SCN7A: variants seen among roughly 807,000 people sequenced by gnomAD.
SCN7A encodes sodium voltage-gated channel alpha subunit 7.
A neutral mutation model predicts 155.2 loss-of-function variants in SCN7A; 138 were observed. That is an observed-to-expected ratio of 0.89 (90% CI 0.77 to 1.02). SCN7A has a LOEUF of 1.02. Among genes scored for constraint, SCN7A ranks in the 50% least tolerant of loss-of-function variants. The probability of loss-of-function intolerance (pLI) is 0.00; values close to 1 mark genes in which losing one functional copy is unlikely to be tolerated. For synonymous variants in SCN7A, 693 were observed against 649.0 expected, an observed-to-expected ratio of 1.07 and a Z score of -1.03; for missense variants, 2,058 against 1,986.6, an observed-to-expected ratio of 1.04 and a Z score of -0.68.
In SCN7A at chr2:166,474,283, C is replaced by A; in HGVS notation, c.296G>T (p.Cys99Phe). The A allele has an allele frequency of 6.5e-7, 1 of 1,527,008 alleles. No individual in the cohort carries two copies. Among genetic ancestry groups the A allele is most frequent in the African/African-American group, 1.4e-5 (1 of 72,114 alleles). 94.6% of individuals were successfully genotyped at this position (1,527,008 alleles called of 1,614,324 possible). Residue 99 changes from cysteine to phenylalanine, a missense_variant, in exon 4 of 26, where the codon TGT becomes TTT. Transcript: ENST00000643258. ...IFRFNAASIL[C>F]TLSPFNCIRR... ...AATACAATTGAAAGGAGACAATGTACACAAGATGGAAGCCGCATTGAATCT... is the reference window on the plus strand; with the variant it reads ...AATACAATTGAAAGGAGACAATGTAAACAAGATGGAAGCCGCATTGAATCT...
chr2:166,469,174 T>C (rs571590521), intron 7 of SCN7A, among the ~76,000 whole-genome samples: 1 of 151,782 alleles, frequency 6.6e-6, no homozygotes, highest in South Asian at 2.1e-4. Context: ...TAGTTTTTTC[T>C]CCTTCATTAA....
At chr2:166,420,691 ATGTGAG>A (rs1701492372) in intron 20 of SCN7A, among the ~76,000 whole-genome samples, 1 of 152,054 alleles carries the variant, frequency 6.6e-6, no homozygotes, top group Non-Finnish European at 1.5e-5. Flanking sequence ...AGGTTTTAAC[ATGTGAG>A]TGATGAAGAC....
chr2:166,413,020 G>A (rs1701234622), intron 22 of SCN7A, 48 bp downstream of exon 22: 1 of 1,327,686 alleles, frequency 7.5e-7, no homozygotes, highest in East Asian at 2.5e-5. Flanking sequence ...TTGCAAAAAT[G>A]ACTTTGCTTG....
chr2:166,458,164 A>T (rs985534300), intron 10 of SCN7A, among the ~76,000 whole-genome samples: 1 of 151,972 alleles, frequency 6.6e-6, no homozygotes, highest in Non-Finnish European at 1.5e-5. Flanking sequence ...CATCTCTACT[A>T]AAAATACAAA....
intron 2 of SCN7A, among the ~76,000 whole-genome samples, chr2:166,479,395 T>C (rs1220282234): frequency 6.6e-6 from 1 of 152,134 alleles, no homozygotes; most frequent in Non-Finnish European, 1.5e-5. Context: ...CGCAATCTTA[T>C]AGACATTCAA....
chr2:166,484,870 A>C (rs1435954493), intron 2 of SCN7A, among the ~76,000 whole-genome samples: 1 of 152,000 alleles, frequency 6.6e-6, no homozygotes, highest in Admixed American at 6.6e-5. Context: ...AAATAAATAT[A>C]TTTTCACATA....
At chr2:166,409,988 TATA>T in intron 24 of SCN7A, 53 bp from the exon 25 acceptor site, 4 of 1,417,014 alleles carry the variant, frequency 2.8e-6, no homozygotes, top group Non-Finnish European at 3.8e-6. Context: ...TACATATACA[TATA>T]TATGGTCTTT....
chr2:166,443,682 T>C lies in SCN7A; in HGVS notation c.1627-6A>G. On this transcript the variant is annotated splice_polypyrimidine_tract_variant and splice_region_variant and intron_variant, in intron 13 of 25. Transcript: ENST00000643258. ...GTGAAAATTCCAATGAAAACCTAAA[T>C]CAAAACCAAATACATAGGTGAGAAT... 2 of 1,531,604 alleles carry C rather than the reference T, an allele frequency of 1.3e-6. No homozygotes were observed. Among genetic ancestry groups the C allele is most frequent in the Non-Finnish European group, 8.8e-7 (1 of 1,137,066 alleles). 94.9% of individuals were successfully genotyped at this position (1,531,604 alleles called of 1,614,324 possible).
Position 166,421,265 on chromosome 2 carries a change from C to G in SCN7A, c.3060G>C (p.Arg1020=), listed in dbSNP as rs958078962. 3 of 1,532,032 alleles carry G rather than the reference C, an allele frequency of 2.0e-6. No homozygotes were observed. In the African/African-American group the frequency reaches 4.2e-5, roughly 21 times the overall value. The allele number at this position is 1,532,032 out of a possible 1,614,324, so 94.9% of individuals were successfully genotyped here. The part of the protein sequence containing the change: ...VFCLSLIGKT[R]EELKPLISMK... ...TGGAAATAAGAGGTTTTAGTTCTTC[C>G]CGAGTTTTGCCTATTAAGCTAAGAC... Residue 1020 remains arginine (R), a synonymous_variant, in exon 20 of 26, where the codon CGG becomes CGC. Coordinates refer to ENST00000643258, the MANE Select transcript of SCN7A (RefSeq NM_002976.4).
At position 166,406,057 on chromosome 2, in the gene SCN7A, C is replaced by T. The variant is rs967876623; in HGVS notation, c.4572G>A (p.Arg1524=). 3.7e-6 allele frequency: 6 copies of T among 1,612,690 alleles called. No individual in the cohort carries two copies. Among genetic ancestry groups the T allele is most frequent in the Non-Finnish European group, 5.1e-6 (6 of 1,179,326 alleles). The change falls in exon 26 of 26, where the codon AGG becomes AGA. Residue 1524 remains arginine (R), a synonymous_variant. Transcript: ENST00000643258. ...TGTACTGGGTCCTATCAGGATCAAA[C>T]CTTTTCCATACCTGAAAGAATTTCC... The part of the protein sequence containing the change: ...DFRKFFQVWK[R]FDPDRTQYID...
At chr2:166,491,318 A>G (rs1683097452) in intron 1 of SCN7A, among the ~76,000 whole-genome samples, 1 of 152,120 alleles carries the variant, frequency 6.6e-6, no homozygotes, top group African/African-American at 2.4e-5. Context: ...CCTGACCCAC[A>G]CCATCATCAG....
intron 16 of SCN7A, among the ~76,000 whole-genome samples, chr2:166,431,095 T>C (rs1433049037): frequency 6.6e-6 from 1 of 152,094 alleles, no homozygotes; most frequent in Non-Finnish European, 1.5e-5. Flanking sequence ...GAGATTAGCA[T>C]GAAGTTTTCA....
At chr2:166,418,048 T>C (rs1199933790) in intron 20 of SCN7A, among the ~76,000 whole-genome samples, 1 of 151,718 alleles carries the variant, frequency 6.6e-6, no homozygotes, top group African/African-American at 2.4e-5. Flanking sequence ...AATCAGTTGC[T>C]ATATCTAATA....
rs1036110246 is a variant in SCN7A, at chr2:166,481,945, G to A, written c.-14-4235C>T. Among the ~76,000 whole-genome samples the A allele has an allele frequency of 1.8e-4, 28 of 152,126 alleles. 1 individual carries two copies. Among genetic ancestry groups the A allele is most frequent in the African/African-American group, 6.8e-4 (28 of 41,440 alleles). On this transcript the variant is annotated intron_variant, in intron 2 of 25. Transcript: ENST00000643258. Reference sequence around the variant, plus strand: ...GAAAGTAAAGATCTTTCTAATAGCTGTCAAAAATGAAATGGGTTGGTTTGG... The same window carrying A: ...GAAAGTAAAGATCTTTCTAATAGCTATCAAAAATGAAATGGGTTGGTTTGG...
At chr2:166,469,530 G>T (rs892221329) in intron 7 of SCN7A, among the ~76,000 whole-genome samples, 11 of 151,168 alleles carry the variant, frequency 7.3e-5, no homozygotes, top group Admixed American at 4.0e-4. Context: ...CCATATTGCT[G>T]GTATGTGTCT....
intron 20 of SCN7A, among the ~76,000 whole-genome samples, chr2:166,419,664 G>A (rs1472432103): frequency 2.6e-5 from 4 of 151,946 alleles, no homozygotes; most frequent in Non-Finnish European, 5.9e-5. Context: ...ACCGTGCCTA[G>A]GCTGTTTTGT....
At chr2:166,413,822 C>T (rs1466021857) in intron 21 of SCN7A, among the ~76,000 whole-genome samples, 1 of 149,832 alleles carries the variant, frequency 6.7e-6, no homozygotes, top group Admixed American at 6.8e-5. Context: ...CTGGATGCTT[C>T]CTGCCCTCAA....
intron 1 of SCN7A, among the ~76,000 whole-genome samples, chr2:166,492,474 G>T (rs1415188308): frequency 6.6e-6 from 1 of 152,108 alleles, no homozygotes; most frequent in East Asian, 1.9e-4. Flanking sequence ...CAGGACTACA[G>T]ACCTAAAATC....
chr2:166,445,114 G>C (rs7607570), intron 12 of SCN7A, 114 bp from the exon 13 acceptor site: 3 of 641,952 alleles, frequency 4.7e-6, no homozygotes, highest in Admixed American at 5.5e-5. Context: ...TCAGGAGTTC[G>C]AGACCAGCCT....
Sources: gnomAD v4.1 joint callset for allele counts (sites outside exome capture counted in the v4.1 genomes callset) on GRCh38, gnomAD v4.1.1 for gene constraint, MANE v1.5 for transcripts, NCBI Gene and HGNC (gene_info 2026-07-23, HGNC 2026-07-21) for gene names.